The following SH3GL2 variants were observed in gnomAD, a reference collection of about 807,000 sequenced individuals.
SH3GL2 encodes SH3 domain containing GRB2 like 2, endophilin A1.
In SH3GL2, 24 loss-of-function variants were observed where a neutral mutation model predicts 46.0. The observed-to-expected ratio is 0.52, with a 90% CI of 0.38 to 0.73. The LOEUF is 0.73. Ranked by LOEUF, SH3GL2 falls within the 30% of genes least tolerant of loss-of-function variation. SH3GL2 has a pLI of 0.00. For synonymous variants in SH3GL2, 196 were observed against 147.1 expected (o/e 1.33, Z -2.40); for missense variants, 413 against 424.2 (o/e 0.97, Z 0.23).
At chr9:17,714,412 A>G (rs923877130) in intron 1 of SH3GL2, among the ~76,000 whole-genome samples, 3 of 151,630 alleles carry the variant, frequency 2.0e-5, no homozygotes, top group Admixed American at 6.6e-5. Context: ...TTTGCTTTCT[A>G]TTTGTTTAAT....
intron 1 of SH3GL2, among the ~76,000 whole-genome samples, chr9:17,664,172 C>G (rs1820289700): frequency 6.6e-6 from 1 of 152,156 alleles, no homozygotes; most frequent in Non-Finnish European, 1.5e-5. Context: ...GAGTGCTATT[C>G]AGCTGTGAGG....
chr9:17,583,879 G>A (rs1818322281), intron 1 of SH3GL2, among the ~76,000 whole-genome samples: 1 of 152,164 alleles, frequency 6.6e-6, no homozygotes, highest in Non-Finnish European at 1.5e-5. Flanking sequence ...GATTTGGTGA[G>A]ATGTTAAACT....
chr9:17,582,033 A>G (rs1237105074), intron 1 of SH3GL2, among the ~76,000 whole-genome samples: 1 of 152,144 alleles, frequency 6.6e-6, no homozygotes, highest in Middle Eastern at 3.2e-3. Flanking sequence ...GTTTCTTTCT[A>G]TGGAATTGAG....
At chr9:17,785,856 A>G (rs887755002) in intron 3 of SH3GL2, among the ~76,000 whole-genome samples, 2 of 152,186 alleles carry the variant, frequency 1.3e-5, no homozygotes, top group South Asian at 4.1e-4. Context: ...ATCTTAGTTG[A>G]GAAATGATTT....
chr9:17,584,713 T>C (rs958359234), intron 1 of SH3GL2, among the ~76,000 whole-genome samples: 10 of 152,120 alleles, frequency 6.6e-5, no homozygotes, highest in Non-Finnish European at 1.5e-4. Context: ...CATGCTTGCA[T>C]AATAAGGATC....
intron 8 of SH3GL2, 29 bp from the exon 9 acceptor site, chr9:17,795,515 C>T (rs1024208553): frequency 6.3e-7 from 1 of 1,588,808 alleles, no homozygotes; most frequent in Non-Finnish European, 8.6e-7. Context: ...CTTTTGTGTT[C>T]TTCTCTTCTC....
rs556370654 is a variant in SH3GL2, at chr9:17,752,434, C to G, written c.114+5300C>G. On this transcript the variant is annotated intron_variant, in intron 2 of 8. Coordinates refer to ENST00000380607, the MANE Select transcript of SH3GL2 (RefSeq NM_003026.5). Reference sequence around the variant, plus strand: ...CCTTTTTAATATTTCTTTTATGTTACCACTGTGAGTTACCCATTTTCAAGT... The same window carrying G: ...CCTTTTTAATATTTCTTTTATGTTAGCACTGTGAGTTACCCATTTTCAAGT... Among the ~76,000 whole-genome samples the G allele has an allele frequency of 2.0e-5, 3 of 152,214 alleles. No homozygotes were observed. The South Asian group carries it at 6.2e-4, about 32-fold the overall frequency.
intron 1 of SH3GL2, among the ~76,000 whole-genome samples, chr9:17,627,101 A>G (rs1349948039): frequency 1.3e-5 from 2 of 152,210 alleles, no homozygotes; most frequent in African/African-American, 4.8e-5. Flanking sequence ...CTTACTAAAT[A>G]GAAGAATTGG....
At chr9:17,735,217 C>G (rs1295836875) in intron 1 of SH3GL2, among the ~76,000 whole-genome samples, 2 of 152,110 alleles carry the variant, frequency 1.3e-5, no homozygotes, top group African/African-American at 4.8e-5. Context: ...CTACCACTCA[C>G]TGGCAGATGT....
At chr9:17,746,335 C>G (rs934031539) in intron 1 of SH3GL2, among the ~76,000 whole-genome samples, 8 of 152,190 alleles carry the variant, frequency 5.3e-5, no homozygotes, top group African/African-American at 1.4e-4. Flanking sequence ...CTCGGCCTCC[C>G]AAAGTGCTGG....
chr9:17,696,112 C>T (rs1239590253), intron 1 of SH3GL2, among the ~76,000 whole-genome samples: 2 of 152,130 alleles, frequency 1.3e-5, no homozygotes, highest in African/African-American at 2.4e-5. Flanking sequence ...TACCCAAGTC[C>T]TTTCCAGTTC....
intron 3 of SH3GL2, among the ~76,000 whole-genome samples, chr9:17,766,418 C>G (rs9406701): frequency 6.6e-6 from 1 of 152,046 alleles, no homozygotes; most frequent in African/African-American, 2.4e-5. Context: ...CCTATTCTTA[C>G]GATATTTGTG....
At chr9:17,710,477 A>T (rs1395557344) in intron 1 of SH3GL2, among the ~76,000 whole-genome samples, 6 of 151,966 alleles carry the variant, frequency 3.9e-5, no homozygotes, top group Non-Finnish European at 8.8e-5. Context: ...CAATTTAGGA[A>T]TGAGAAGCTA....
intron 1 of SH3GL2, among the ~76,000 whole-genome samples, chr9:17,640,662 C>G (rs1435894373): frequency 6.6e-6 from 1 of 152,150 alleles, no homozygotes; most frequent in African/African-American, 2.4e-5. Flanking sequence ...AGGCTGGTAG[C>G]TTTACTGTGT....
intron 1 of SH3GL2, among the ~76,000 whole-genome samples, chr9:17,623,765 T>C (rs1447466469): frequency 6.6e-6 from 1 of 151,708 alleles, no homozygotes; most frequent in African/African-American, 2.4e-5. Flanking sequence ...TCTGAACCAT[T>C]TTGAGGATAT....
chr9:17,696,647 C>T (rs1424899665), intron 1 of SH3GL2, among the ~76,000 whole-genome samples: 1 of 152,154 alleles, frequency 6.6e-6, no homozygotes, highest in African/African-American at 2.4e-5. Context: ...TGAAAACTCA[C>T]TCACTATAAT....
intron 1 of SH3GL2, among the ~76,000 whole-genome samples, chr9:17,635,141 C>T (rs1251027908): frequency 1.3e-5 from 2 of 152,140 alleles, no homozygotes; most frequent in Non-Finnish European, 2.9e-5. Flanking sequence ...CTGCCCACAC[C>T]TACCACCCTC....
At chr9:17,620,601 T>A (rs76270610) in intron 1 of SH3GL2, among the ~76,000 whole-genome samples, 9 of 152,242 alleles carry the variant, frequency 5.9e-5, no homozygotes, top group Non-Finnish European at 1.0e-4. Context: ...ACTCTGGGCA[T>A]GAGAAACTGG....
chr9:17,762,787 C>T (rs1563844084), intron 3 of SH3GL2, among the ~76,000 whole-genome samples: 1 of 152,166 alleles, frequency 6.6e-6, no homozygotes, highest in Non-Finnish European at 1.5e-5. Flanking sequence ...TCTTGGTAAC[C>T]ACTGTTTTTC....
Sources: allele counts gnomAD v4.1 joint callset (sites outside exome capture counted in the v4.1 genomes callset), GRCh38; gene constraint gnomAD v4.1.1; transcripts MANE v1.5; gene names NCBI Gene and HGNC (gene_info 2026-07-23, HGNC 2026-07-21).